Variants in FBXW8 observed in about 807,000 individuals in gnomAD.
The protein encoded by FBXW8 is F-box and WD repeat domain containing 8.
A neutral mutation model predicts 65.3 loss-of-function variants in FBXW8; 57 were observed. The observed-to-expected ratio is 0.87, with a 90% confidence interval of 0.71 to 1.09. The LOEUF is 1.09. Ranked by LOEUF, FBXW8 falls within the 50% of genes least tolerant of loss-of-function variation. The pLI, the probability that FBXW8 is intolerant of heterozygous loss-of-function variation, is 0.00. For missense variants in FBXW8, 777 were observed against 814.8 expected (o/e 0.95, Z 0.57); for synonymous variants, 308 against 330.2 (o/e 0.93, Z 0.73).
chr12:117,011,947 G>A (rs542787254), intron 8 of FBXW8, among the ~76,000 whole-genome samples: 113 of 152,294 alleles, frequency 7.4e-4, no homozygotes, highest in African/African-American at 2.4e-3. Flanking sequence ...ATAATGAAGC[G>A]ATGTGTAGGC....
intron 7 of FBXW8, among the ~76,000 whole-genome samples, chr12:116,997,060 A>T (rs1469024354): frequency 6.6e-6 from 1 of 152,252 alleles, no homozygotes; most frequent in Non-Finnish European, 1.5e-5. Context: ...CATGTTTAAT[A>T]TTAAAATAGT....
intron 7 of FBXW8, among the ~76,000 whole-genome samples, chr12:116,997,384 G>T (rs1953401956): frequency 6.6e-6 from 1 of 152,228 alleles, no homozygotes; most frequent in South Asian, 2.1e-4. Context: ...GTTCCTTTCA[G>T]CTATAGTCAA....
chr12:116,948,476 A>G (rs1883069390), intron 3 of FBXW8, among the ~76,000 whole-genome samples: 2 of 152,216 alleles, frequency 1.3e-5, no homozygotes, highest in Admixed American at 6.5e-5. Flanking sequence ...GAGTCTAGGT[A>G]CTTAATAAAT....
intron 2 of FBXW8, 119 bp from the exon 3 acceptor site, chr12:116,945,245 T>G (rs1452302671): frequency 3.3e-6 from 3 of 910,318 alleles, no homozygotes; most frequent in Non-Finnish European, 4.9e-6. Flanking sequence ...GTTTTGTTAA[T>G]GAGACATTTT....
chr12:116,942,325 T>C (rs951490080), intron 2 of FBXW8, among the ~76,000 whole-genome samples: 3 of 151,956 alleles, frequency 2.0e-5, no homozygotes, highest in African/African-American at 7.2e-5. Context: ...TATTCTTTTT[T>C]TTCCCCCATA....
At chr12:117,027,331 C>G (rs893889422) in intron 9 of FBXW8, 63 bp from the exon 10 acceptor site, 17 of 1,278,286 alleles carry the variant, frequency 1.3e-5, no homozygotes, top group Non-Finnish European at 1.9e-5. Flanking sequence ...ACTCCCAGGC[C>G]TGCGGCAGCA....
intron 7 of FBXW8, among the ~76,000 whole-genome samples, chr12:116,996,909 C>T (rs765745516): frequency 5.9e-5 from 9 of 152,040 alleles, no homozygotes; most frequent in Non-Finnish European, 1.2e-4. Context: ...TCCTTAACAG[C>T]GACTTGGCGA....
chr12:116,943,256 T>C (rs1882725647), intron 2 of FBXW8, among the ~76,000 whole-genome samples: 2 of 152,232 alleles, frequency 1.3e-5, no homozygotes, highest in South Asian at 4.1e-4. Flanking sequence ...TGGGCCCTGC[T>C]TCCTTGTTTC....
chr12:116,995,803 T>A (rs1953360656), intron 7 of FBXW8, among the ~76,000 whole-genome samples: 1 of 152,240 alleles, frequency 6.6e-6, no homozygotes, highest in Non-Finnish European at 1.5e-5. Context: ...GCCTCATCTC[T>A]TGTCATGCTG....
chr12:116,956,309 C>T (rs961081693), intron 4 of FBXW8, among the ~76,000 whole-genome samples: 2 of 152,116 alleles, frequency 1.3e-5, no homozygotes, highest in African/African-American at 4.8e-5. Context: ...ACCATTAGCG[C>T]TCTTCTTACC....
chr12:116,994,763 TTTAA>T (rs1445667744), intron 7 of FBXW8, among the ~76,000 whole-genome samples: 1 of 152,262 alleles, frequency 6.6e-6, no homozygotes, highest in Non-Finnish European at 1.5e-5. Context: ...GTGGATGTGC[TTTAA>T]TTAATTTGCT....
chr12:116,985,633 G>A, intron 6 of FBXW8: 2 of 464,682 alleles, frequency 4.3e-6, no homozygotes, highest in East Asian at 3.6e-5. Context: ...GTTCTCAGAG[G>A]TAAGAAGTTA....
chr12:117,014,286 T>C (rs1953896029), intron 8 of FBXW8, among the ~76,000 whole-genome samples: 1 of 152,234 alleles, frequency 6.6e-6, no homozygotes, highest in African/African-American at 2.4e-5. Context: ...TTGTTTCTTT[T>C]TTTATATATA....
intron 2 of FBXW8, 85 bp downstream of exon 2, chr12:116,928,212 A>C: frequency 1.1e-6 from 1 of 871,688 alleles, no homozygotes; most frequent in African/African-American, 1.7e-5. Context: ...AAATTTACTC[A>C]CAGAATTATA....
At chr12:117,025,050 G>C (rs1284919319) in intron 9 of FBXW8, among the ~76,000 whole-genome samples, 1 of 152,040 alleles carries the variant, frequency 6.6e-6, no homozygotes, top group African/African-American at 2.4e-5. Context: ...CCCAGCCCAG[G>C]GCTGGCTCAT....
chr12:116,949,380 C>G, intron 3 of FBXW8: 1 of 530,152 alleles, frequency 1.9e-6, no homozygotes. Flanking sequence ...GGGGCAATGT[C>G]TCACACGTCC....
intron 5 of FBXW8, among the ~76,000 whole-genome samples, chr12:116,974,089 C>G (rs868604973): frequency 6.6e-6 from 1 of 152,164 alleles, no homozygotes; most frequent in Non-Finnish European, 1.5e-5. Context: ...GGAGGGGGAC[C>G]TAAACAGAGT....
chr12:116,990,704 AG>A (rs1953218585), intron 7 of FBXW8, among the ~76,000 whole-genome samples: 2 of 152,242 alleles, frequency 1.3e-5, no homozygotes, highest in African/African-American at 4.8e-5. Flanking sequence ...AACTACTTAA[AG>A]GGACAGTTCA....
chr12:116,925,753 A>G (rs1331022956), intron 1 of FBXW8, among the ~76,000 whole-genome samples: 2 of 152,238 alleles, frequency 1.3e-5, no homozygotes, highest in Non-Finnish European at 2.9e-5. Context: ...GAACCATCAT[A>G]ATGCATGCAT....
Sources: allele counts gnomAD v4.1 joint callset (sites outside exome capture counted in the v4.1 genomes callset), GRCh38; gene constraint gnomAD v4.1.1; transcripts MANE v1.5; gene names NCBI Gene and HGNC (gene_info 2026-07-23, HGNC 2026-07-21).